Variants in TPH1 observed in about 807,000 individuals in gnomAD.
TPH1 encodes the protein tryptophan 5-hydroxylase 1.
A neutral mutation model predicts 49.5 loss-of-function variants in TPH1; 37 were observed. The observed-to-expected ratio is 0.75, with a 90% CI of 0.58 to 0.98. TPH1 has a LOEUF of 0.98. Ranked by LOEUF, TPH1 falls within the 50% of genes least tolerant of loss-of-function variation. The probability of loss-of-function intolerance (pLI) is 0.00; values close to 1 mark genes in which losing one functional copy is unlikely to be tolerated. For missense variants in TPH1, 487 were observed against 523.6 expected (o/e 0.93, Z 0.68); for synonymous variants, 160 against 182.1 (o/e 0.88, Z 0.98).
rs574149754 is a variant in TPH1, at chr11:18,019,735, G to A, written c.*1256C>T. 1.1e-4 allele frequency: 49 copies of A among 459,658 alleles called. No individual in the cohort carries two copies. The highest frequency in any genetic ancestry group is 8.9e-4 in the African/African-American group (45 of 50,368). The allele number at this position is 459,658 out of a possible 1,614,324, so 28.5% of individuals were successfully genotyped here. ...GAAACTTGAAGAACATCTTCATTTA[G>A]TGACTAGAGGGAGGAAAGGGGCAAA... On this transcript the variant is annotated 3_prime_UTR_variant, in exon 11 of 11. Transcript: ENST00000682019.
At chr11:18,045,879 T>C (rs1040791196) in intron 1 of TPH1, among the ~76,000 whole-genome samples, 4 of 152,172 alleles carry the variant, frequency 2.6e-5, no homozygotes, top group Non-Finnish European at 5.9e-5. Flanking sequence ...AAAATCTTAC[T>C]GTTTCTGCCA....
chr11:18,035,876 T>G, intron 3 of TPH1, 83 bp downstream of exon 3: 1 of 1,195,864 alleles, frequency 8.4e-7, no homozygotes. Context: ...TTTTATTATT[T>G]TAATGTCTTC....
At chr11:18,024,361 C>CA (rs962671365) in intron 8 of TPH1, among the ~76,000 whole-genome samples, 5 of 152,034 alleles carry the variant, frequency 3.3e-5, no homozygotes, top group African/African-American at 1.2e-4. Flanking sequence ...TTATACAAAA[C>CA]AAAAAACTAA....
chr11:18,026,467 C>T, intron 7 of TPH1, 23 bp downstream of exon 7: 1 of 1,590,690 alleles, frequency 6.3e-7, no homozygotes, highest in Non-Finnish European at 8.6e-7. Flanking sequence ...TGATGAATTC[C>T]TGGCTGAAAT....
In TPH1 at chr11:18,029,362, C is replaced by T. The variant is rs1358658232; in HGVS notation, c.471-1G>A. The T allele has an allele frequency of 2.5e-6, 4 of 1,613,274 alleles. No homozygotes were observed. Among genetic ancestry groups the T allele is most frequent in the Non-Finnish European group, 3.4e-6 (4 of 1,179,496 alleles). On this transcript the variant is annotated splice_acceptor_variant, in intron 5 of 10. Coordinates refer to ENST00000682019, the MANE Select transcript of TPH1 (RefSeq NM_004179.3). LOFTEE classifies it high-confidence loss of function. ...TTCAACCTTTGGAATGGGGTCTCCA[C>T]TAATGAGATAAAGGGAAGGAGTTGT...
chr11:18,033,248 C>T, intron 4 of TPH1, 26 bp downstream of exon 4: 1 of 1,570,664 alleles, frequency 6.4e-7, no homozygotes, highest in African/African-American at 1.3e-5. Flanking sequence ...GCAAGACTTG[C>T]TCTTAAAAAA....
chr11:18,036,125 C>T lies in TPH1; in HGVS notation c.135G>A (p.Leu45=). ...TTGATTTTCGGGACTCGATATGTAA[C>T]AGATTCACATGCTTCTCCTGTGTAA... The part of the protein sequence containing the change: ...LKIFQEKHVN[L]LHIESRKSKR... Residue 45 remains leucine, a synonymous_variant, in exon 3 of 11, where the codon CTG becomes CTA. Coordinates refer to ENST00000682019, the MANE Select transcript of TPH1 (RefSeq NM_004179.3). 1 of 1,613,074 alleles carries T rather than the reference C, an allele frequency of 6.2e-7. No individual in the cohort carries two copies. The highest frequency in any genetic ancestry group is 2.2e-5 in the East Asian group (1 of 44,812).
chr11:18,025,021 T>C (rs899939036), intron 8 of TPH1, among the ~76,000 whole-genome samples: 1 of 152,220 alleles, frequency 6.6e-6, no homozygotes, highest in African/African-American at 2.4e-5. Flanking sequence ...AACTTTGCTA[T>C]AGGCTATCTC....
chr11:18,040,647 T>C lies in TPH1; in HGVS notation c.116A>G (p.Gln39Arg). The C allele has an allele frequency of 6.2e-7, 1 of 1,610,568 alleles. No individual in the cohort carries two copies. Among genetic ancestry groups the C allele is most frequent in the Non-Finnish European group, 8.5e-7 (1 of 1,178,272 alleles). The change falls in exon 2 of 11, where the codon CAG (glutamine) becomes CGG (arginine). Residue 39 changes from glutamine to arginine, a missense_variant and splice_region_variant. Transcript: ENST00000682019. ...GGLIKALKIF[Q>R]EKHVNLLHIE... ...TGCAAAAATACAGAAAATGCTTACC[T>C]GAAAGATTTTCAGGGCTTTTATAAG...
rs1847919402 is a variant in TPH1 at position 18,025,562 on chromosome 11, TC to T, written c.930+12del. 1.9e-6 allele frequency: 3 copies of T among 1,613,522 alleles called. No individual in the cohort carries two copies. In the South Asian group the frequency reaches 3.3e-5, roughly 18 times the overall value. ...TACCCCAGGTGAAAATATAGCTAAT[TC>T]CAGATTTATACCGTTGCCAGTTTTT... is the stretch of plus-strand genomic sequence containing the variant. On this transcript the variant is annotated intron_variant, in intron 8 of 10. Coordinates refer to ENST00000682019, the MANE Select transcript of TPH1 (RefSeq NM_004179.3).
rs145246294 is a variant in TPH1 at position 18,029,229 on chromosome 11, A to G, written c.603T>C (p.Ser201=). The change falls in exon 6 of 11, where the codon TCT becomes TCC. Residue 201 remains serine (S), a synonymous_variant. Transcript: ENST00000682019. ...TATCCTCCCGATATCCACAATATTTAGAAAGCAAAGGTAAGTTTTTGAGAT... is the reference window on the plus strand; with the variant it reads ...TATCCTCCCGATATCCACAATATTTGGAAAGCAAAGGTAAGTTTTTGAGAT... ...REYLKNLPLL[S]KYCGYREDNI... The G allele has an allele frequency of 1.8e-4, 283 of 1,614,156 alleles. No individual in the cohort carries two copies. Among genetic ancestry groups the G allele is most frequent in the Non-Finnish European group, 1.3e-4 (150 of 1,179,994 alleles).
Position 18,036,271 on chromosome 11 carries a change from T to G in TPH1, c.118-129A>C. 5 of 703,978 alleles carry G rather than the reference T, an allele frequency of 7.1e-6. No homozygotes were observed. The South Asian group carries it at 8.7e-5, about 12-fold the overall frequency. 43.6% of individuals were successfully genotyped at this position (703,978 alleles called of 1,614,324 possible). A position where few individuals can be genotyped will look rare whatever the true frequency, so the allele number is the denominator to read the frequency against. The stretch of plus-strand genomic sequence containing the variant: ...AGAACAGCAAAGGGAAAAAGACTGT[T>G]TTTAGTGCTGCCAACAACAAAATAA... On this transcript the variant is annotated intron_variant, in intron 2 of 10. Transcript: ENST00000682019.
rs1854339539 is a variant in TPH1, at chr11:18,020,031, A to G, written c.*960T>C. On this transcript the variant is annotated 3_prime_UTR_variant, in exon 11 of 11. Coordinates refer to ENST00000682019, the MANE Select transcript of TPH1 (RefSeq NM_004179.3). The stretch of plus-strand genomic sequence containing the variant: ...TAAAGTACTCAGCACTGTTTTTTCT[A>G]TCTTTTACTTTGTGCTTCTCTTATC... 2 of 228,814 alleles carry G rather than the reference A, an allele frequency of 8.7e-6. No homozygotes were observed. The highest frequency in any genetic ancestry group is 1.7e-5 in the Non-Finnish European group (2 of 114,932). The allele number at this position is 228,814 out of a possible 1,614,324, so 14.2% of individuals were successfully genotyped here.
rs1193075822 is a variant in TPH1, at chr11:18,018,300, C to T, written c.*2691G>A. The T allele has an allele frequency of 6.6e-6, 1 of 152,070 alleles. No individual in the cohort carries two copies. The highest frequency in any genetic ancestry group is 1.5e-5 in the Non-Finnish European group (1 of 68,028). 9.4% of individuals were successfully genotyped at this position (152,070 alleles called of 1,614,324 possible). On this transcript the variant is annotated 3_prime_UTR_variant, in exon 11 of 11. Coordinates refer to ENST00000682019, the MANE Select transcript of TPH1 (RefSeq NM_004179.3). ...TTTAAAATGCATGAAAATTCTAAGA[C>T]TCTCAGGACTCCTGATTTACCAAAT...
At chr11:18,040,514 T>A in intron 2 of TPH1, 132 bp downstream of exon 2, 1 of 830,986 alleles carries the variant, frequency 1.2e-6, no homozygotes, top group Non-Finnish European at 1.8e-6. Flanking sequence ...ACTACAGGAG[T>A]CCACCACCAC....
chr11:18,044,309 C>A (rs971152884), intron 1 of TPH1, among the ~76,000 whole-genome samples: 3 of 151,950 alleles, frequency 2.0e-5, no homozygotes, highest in African/African-American at 7.3e-5. Context: ...GTAGTCCCAG[C>A]TACTTGGGAG....
chr11:18,027,590 T>C (rs564153721), intron 6 of TPH1, among the ~76,000 whole-genome samples: 38 of 152,222 alleles, frequency 2.5e-4, no homozygotes, highest in Non-Finnish European at 4.6e-4. Flanking sequence ...AGTTTTGATT[T>C]CTCTTTGGTA....
In TPH1 at chr11:18,029,583, A is replaced by T. The variant is rs779083381; in HGVS notation, c.403-4T>A. 2 of 1,609,200 alleles carry T rather than the reference A, an allele frequency of 1.2e-6. No homozygotes were observed. The highest frequency in any genetic ancestry group is 1.7e-6 in the Non-Finnish European group (2 of 1,176,664). ...GGTAGACATTGTCTTTGAAGCCCTG[A>T]TAATTAAAGATATGTTTTTAAATAT... On this transcript the variant is annotated splice_region_variant and splice_polypyrimidine_tract_variant and intron_variant, in intron 4 of 10. Transcript: ENST00000682019.
chr11:18,022,151 CCTA>C (rs1193487027), intron 10 of TPH1, among the ~76,000 whole-genome samples: 3 of 152,172 alleles, frequency 2.0e-5, no homozygotes, highest in Non-Finnish European at 4.4e-5. Flanking sequence ...CTTTTCTTTT[CCTA>C]CTACTTCTGT....
Sources: gnomAD v4.1 joint callset for allele counts (sites outside exome capture counted in the v4.1 genomes callset) on GRCh38, gnomAD v4.1.1 for gene constraint, MANE v1.5 for transcripts, NCBI Gene and HGNC (gene_info 2026-07-23, HGNC 2026-07-21) for gene names.